Variants in ADGB observed in about 807,000 individuals in gnomAD.
The protein encoded by ADGB is androglobin, also known as calpain-7-like protein.
ADGB carries 172 observed loss-of-function variants against 210.5 expected under a neutral mutation model. The ratio of observed to expected loss-of-function variants is 0.82; its 90% CI spans 0.72 to 0.93. The LOEUF is 0.93. Among genes scored for constraint, ADGB ranks in the 40% least tolerant of loss-of-function variants. ADGB has a pLI of 0.00. For synonymous variants in ADGB, 658 were observed against 662.7 expected (o/e 0.99, Z 0.11); for missense variants, 2,025 against 1,964.8 (o/e 1.03, Z -0.58).
intron 35 of ADGB, among the ~76,000 whole-genome samples, chr6:146,806,371 A>T (rs1778212351): frequency 6.6e-6 from 1 of 152,138 alleles, no homozygotes; most frequent in Non-Finnish European, 1.5e-5. Context: ...ATGTATATTA[A>T]ACTTATTTAC....
At chr6:146,724,153 T>A (rs1776860886) in intron 17 of ADGB, 33 bp from the exon 18 acceptor site, 1 of 1,523,398 alleles carries the variant, frequency 6.6e-7, no homozygotes, top group Admixed American at 2.3e-5. Context: ...ACTTTCATGA[T>A]CAAACTTTAA....
rs1433063295 is a variant in ADGB, at chr6:146,763,930, G to T, written c.3580G>T (p.Ala1194Ser). ...SSKHILSFHSASKKEQEVYVK... is the reference protein window; with the variant it reads ...SSKHILSFHSSSKKEQEVYVK... ...CAAGCACATTCTTTCATTTCACTCTGCATCCAAGAAAGAGCAAGAAGTGTA... is the reference window on the plus strand; with the variant it reads ...CAAGCACATTCTTTCATTTCACTCTTCATCCAAGAAAGAGCAAGAAGTGTA... Residue 1194 changes from alanine (A) to serine (S), a missense_variant, in exon 28 of 36, where the codon GCA (alanine) becomes TCA (serine). Coordinates refer to ENST00000397944, the MANE Select transcript of ADGB (RefSeq NM_024694.4). 3 of 1,550,664 alleles carry T rather than the reference G, an allele frequency of 1.9e-6. No homozygotes were observed. Among genetic ancestry groups the T allele is most frequent in the Non-Finnish European group, 2.6e-6 (3 of 1,146,566 alleles).
At chr6:146,687,346 T>C (rs1293966589) in intron 10 of ADGB, among the ~76,000 whole-genome samples, 4 of 152,152 alleles carry the variant, frequency 2.6e-5, no homozygotes, top group Non-Finnish European at 4.4e-5. Flanking sequence ...GTCTCAGATA[T>C]GCTAGCGAGT....
chr6:146,721,277 T>C, intron 16 of ADGB, 126 bp from the exon 17 acceptor site: 1 of 622,328 alleles, frequency 1.6e-6, no homozygotes, highest in South Asian at 2.1e-5. Context: ...AAAGTATTTA[T>C]TGTGGTGCCT....
chr6:146,701,726 G>A (rs1485042081), intron 13 of ADGB, among the ~76,000 whole-genome samples: 2 of 151,884 alleles, frequency 1.3e-5, no homozygotes, highest in African/African-American at 4.8e-5. Context: ...GAGAATTATT[G>A]ATAAGGAACA....
At chr6:146,741,073 T>G (rs1435463689) in intron 24 of ADGB, 45 bp from the exon 25 acceptor site, 2 of 1,415,784 alleles carry the variant, frequency 1.4e-6, no homozygotes, top group Non-Finnish European at 9.2e-7. Context: ...CAAACTTCCT[T>G]TAAGAATTCA....
At chr6:146,793,661 A>G (rs1363660576) in intron 33 of ADGB, among the ~76,000 whole-genome samples, 1 of 152,226 alleles carries the variant, frequency 6.6e-6, no homozygotes, top group Non-Finnish European at 1.5e-5. Flanking sequence ...GAGTAATAGC[A>G]AGATGGCTGT....
chr6:146,655,014 C>A (rs1355044569), intron 4 of ADGB, among the ~76,000 whole-genome samples: 2 of 152,102 alleles, frequency 1.3e-5, no homozygotes, highest in Admixed American at 1.3e-4. Flanking sequence ...GTTTCTCAGA[C>A]TTTTGTATTT....
chr6:146,745,590 G>C (rs532037205), intron 25 of ADGB, among the ~76,000 whole-genome samples: 8 of 152,318 alleles, frequency 5.3e-5, no homozygotes, highest in African/African-American at 1.9e-4. Context: ...GGGCTACTCT[G>C]GGATGGTGCA....
In ADGB at chr6:146,620,192, C is replaced by A. The variant is rs547207950; in HGVS notation, c.75-15183C>A. 6.6e-5 allele frequency among the ~76,000 whole-genome samples: 10 copies of A among 152,200 alleles called. No homozygotes were observed. In the East Asian group the frequency reaches 1.9e-3, roughly 29 times the overall value. On this transcript the variant is annotated intron_variant, in intron 1 of 35. Coordinates refer to ENST00000397944, the MANE Select transcript of ADGB (RefSeq NM_024694.4). ...GTGATATTTTTATTTTCTCTTGCTG[C>A]TTTGATGATTCTTTGTCTTTAATTT... is the stretch of plus-strand genomic sequence containing the variant.
intron 29 of ADGB, among the ~76,000 whole-genome samples, chr6:146,771,376 A>G (rs759510586): frequency 5.3e-5 from 8 of 152,036 alleles, no homozygotes; most frequent in Non-Finnish European, 1.0e-4. Flanking sequence ...AATGGAAAAT[A>G]AATGAAAAAA....
intron 27 of ADGB, among the ~76,000 whole-genome samples, chr6:146,756,873 G>A (rs1777413917): frequency 6.6e-6 from 1 of 151,798 alleles, no homozygotes; most frequent in Non-Finnish European, 1.5e-5. Context: ...GATTACAGGT[G>A]CGTGACACCA....
chr6:146,726,926 G>A (rs1776903794), intron 19 of ADGB, among the ~76,000 whole-genome samples: 1 of 152,098 alleles, frequency 6.6e-6, no homozygotes, highest in Non-Finnish European at 1.5e-5. Context: ...CAGGGAAGGA[G>A]TAGCTCAGAA....
chr6:146,738,599 C>A (rs780212690), intron 23 of ADGB, among the ~76,000 whole-genome samples: 3 of 151,830 alleles, frequency 2.0e-5, no homozygotes, highest in Non-Finnish European at 4.4e-5. Context: ...ACAGGTGCTA[C>A]CACCATGCCC....
intron 33 of ADGB, among the ~76,000 whole-genome samples, chr6:146,794,999 G>A (rs1778018875): frequency 8.9e-6 from 1 of 112,232 alleles, no homozygotes; most frequent in African/African-American, 2.8e-5. Context: ...AGAAATCTTG[G>A]AGAAAACATT....
chr6:146,758,705 CAGTTTTTCA>C (rs1194158628), intron 27 of ADGB, among the ~76,000 whole-genome samples: 2 of 151,870 alleles, frequency 1.3e-5, no homozygotes, highest in Non-Finnish European at 2.9e-5. Context: ...AACTTTAATA[CAGTTTTTCA>C]AGTTTTCTCA....
rs962801818 is a variant in ADGB at position 146,721,488 on chromosome 6, G to T, written c.2078G>T (p.Arg693Leu). Residue 693 changes from arginine (R) to leucine (L), a missense_variant, in exon 17 of 36, where the codon CGC becomes CTC. Coordinates refer to ENST00000397944, the MANE Select transcript of ADGB (RefSeq NM_024694.4). ...CTGGTTTGCTTTTCTGCATTGGTAC[G>T]CTGGGGGGAGTATGGAGGTAAGAGG... ...ELLVCFSALV[R>L]WGEYGALTKD... is the part of the protein sequence containing the mutation. 37 of 1,547,336 alleles carry T rather than the reference G, an allele frequency of 2.4e-5. No individual in the cohort carries two copies. Among genetic ancestry groups the T allele is most frequent in the Non-Finnish European group, 3.2e-5 (37 of 1,143,208 alleles).
At chr6:146,674,050 G>T (rs554875391) in intron 8 of ADGB, among the ~76,000 whole-genome samples, 1 of 152,198 alleles carries the variant, frequency 6.6e-6, no homozygotes, top group African/African-American at 2.4e-5. Context: ...TTTGTCATCG[G>T]GGCCAAAGGA....
At chr6:146,708,014 G>A (rs1776600785) in intron 13 of ADGB, among the ~76,000 whole-genome samples, 1 of 151,982 alleles carries the variant, frequency 6.6e-6, no homozygotes, top group African/African-American at 2.4e-5. Context: ...TGAATACCAT[G>A]AGGCTTACAT....
Sources: allele counts gnomAD v4.1 joint callset (sites outside exome capture counted in the v4.1 genomes callset), GRCh38; gene constraint gnomAD v4.1.1; transcripts MANE v1.5; gene names NCBI Gene and HGNC (gene_info 2026-07-23, HGNC 2026-07-21).